The following PGD variants were observed in gnomAD, a reference collection of about 807,000 sequenced individuals.
PGD encodes 6-phosphogluconate dehydrogenase, decarboxylating.
Under a neutral mutation model 60.4 loss-of-function variants are expected in PGD, and 21 were observed. That is an observed-to-expected ratio of 0.35 (90% CI 0.25 to 0.50). The LOEUF is 0.50. Among genes scored for constraint, PGD ranks in the 20% least tolerant of loss-of-function variants. The probability of loss-of-function intolerance (pLI) is 0.98; values close to 1 mark genes in which losing one functional copy is unlikely to be tolerated. For synonymous variants in PGD, 230 were observed against 235.9 expected (o/e 0.97, Z 0.23); for missense variants, 477 against 613.1 (o/e 0.78, Z 2.34).
At chr1:10,411,116 G>T (rs1380068042) in intron 6 of PGD, among the ~76,000 whole-genome samples, 1 of 152,122 alleles carries the variant, frequency 6.6e-6, no homozygotes, top group African/African-American at 2.4e-5. Context: ...TGCTTTGAAT[G>T]ATGAGAAAGA....
intron 1 of PGD, 122 bp from the exon 2 acceptor site, chr1:10,399,507 C>T: frequency 1.1e-6 from 1 of 893,792 alleles, no homozygotes; most frequent in Admixed American, 2.1e-5. Flanking sequence ...TGGGGGCCCG[C>T]GGGAGGCGCG....
chr1:10,399,786 G>A (rs1006041365), intron 2 of PGD, 82 bp downstream of exon 2: 1 of 1,190,360 alleles, frequency 8.4e-7, no homozygotes, highest in African/African-American at 1.5e-5. Context: ...GAGCTTACGG[G>A]TCTCCTGGCC....
At position 10,411,520 on chromosome 1, in the gene PGD, G is replaced by T. The variant is rs749115127; in HGVS notation, c.622G>T (p.Val208Leu). Residue 208 changes from valine (V) to leucine (L), a missense_variant, in exon 7 of 13, where the codon GTG becomes TTG. Transcript: ENST00000270776. ...TGAGGCATACCACCTGATGAAAGAC[G>T]TGCTGGGCATGGCGCAGGACGAGAT... ...ICEAYHLMKD[V>L]LGMAQDEMAQ... 6.2e-7 allele frequency: 1 copy of T among 1,614,164 alleles called. No homozygotes were observed. Among genetic ancestry groups the T allele is most frequent in the South Asian group, 1.1e-5 (1 of 91,084 alleles).
chr1:10,419,853 T>A lies in PGD; in HGVS notation c.*104T>A. The A allele has an allele frequency of 7.2e-7, 1 of 1,396,958 alleles. No homozygotes were observed. Among genetic ancestry groups the A allele is most frequent in the Non-Finnish European group, 9.9e-7 (1 of 1,012,342 alleles). The allele number at this position is 1,396,958 out of a possible 1,614,324, so 86.5% of individuals were successfully genotyped here. A position where few individuals can be genotyped will look rare whatever the true frequency, so the allele number is the denominator to read the frequency against. ...TTGCCCTATTTTCTGTTCAGTTTTT[T>A]AAAAGTGTTGTAAGAGACTCCTGAG... On this transcript the variant is annotated 3_prime_UTR_variant, in exon 13 of 13. Coordinates refer to ENST00000270776, the MANE Select transcript of PGD (RefSeq NM_002631.4).
intron 6 of PGD, among the ~76,000 whole-genome samples, chr1:10,410,126 C>T (rs1179151577): frequency 6.6e-6 from 1 of 151,978 alleles, no homozygotes. Context: ...GCCAGAGTGT[C>T]AAAATCAGAA....
intron 8 of PGD, 42 bp downstream of exon 8, chr1:10,413,293 C>T: frequency 6.4e-7 from 1 of 1,552,502 alleles, no homozygotes; most frequent in Non-Finnish European, 8.9e-7. Flanking sequence ...GTCCACTATT[C>T]TGATCTTGAT....
chr1:10,419,000 T>A, intron 11 of PGD, 75 bp downstream of exon 11: 1 of 858,264 alleles, frequency 1.2e-6, no homozygotes, highest in Non-Finnish European at 1.9e-6. Flanking sequence ...GGTTTTTTGT[T>A]TTTTTTTTTT....
At chr1:10,406,778 C>G (rs958898273) in intron 5 of PGD, among the ~76,000 whole-genome samples, 10 of 152,296 alleles carry the variant, frequency 6.6e-5, no homozygotes, top group Admixed American at 6.5e-4. Context: ...AAGGAATGAA[C>G]AGCGGCCTTT....
chr1:10,417,862 A>C (rs1639623418), intron 10 of PGD, among the ~76,000 whole-genome samples: 2 of 152,170 alleles, frequency 1.3e-5, no homozygotes, highest in Non-Finnish European at 2.9e-5. Flanking sequence ...AGGGCACGCC[A>C]CCATGTCCGG....
chr1:10,403,132 C>G lies in PGD; in HGVS notation c.326C>G (p.Thr109Ser), dbSNP rs1325372063. 7 of 1,597,120 alleles carry G rather than the reference C, an allele frequency of 4.4e-6. No individual in the cohort carries two copies. The highest frequency in any genetic ancestry group is 6.0e-6 in the Non-Finnish European group (7 of 1,164,526). The change falls in exon 4 of 13, where the codon ACC becomes AGC. Residue 109 changes from threonine to serine, a missense_variant. This residue lies in a region of PGD where 431 missense variants were observed against 556.6 expected (regional missense o/e 0.77). Coordinates refer to ENST00000270776, the MANE Select transcript of PGD (RefSeq NM_002631.4). The stretch of plus-strand genomic sequence containing the variant: ...GGAGGAAATTCTGAATATAGGGACA[C>G]CACAGTAAGTGTTCTTCAGTCCAGA... ...IDGGNSEYRD[T>S]TRRCRDLKAK...
At chr1:10,399,596 ACT>A in intron 1 of PGD, 31 bp from the exon 2 acceptor site, 7 of 1,601,214 alleles carry the variant, frequency 4.4e-6, no homozygotes, top group Non-Finnish European at 6.0e-6. Flanking sequence ...AGCGGTGCTG[ACT>A]CTTTCCTTTG....
chr1:10,411,058 A>G (rs1481322440), intron 6 of PGD, among the ~76,000 whole-genome samples: 2 of 152,124 alleles, frequency 1.3e-5, no homozygotes, highest in Non-Finnish European at 2.9e-5. Context: ...AACTTTGGGA[A>G]AAAGAGGACT....
At chr1:10,412,703 A>G (rs573231764) in intron 7 of PGD, 16 of 195,616 alleles carry the variant, frequency 8.2e-5, no homozygotes, top group Middle Eastern at 2.2e-3. Context: ...TAAATATACA[A>G]TATCAAACTA....
At position 10,399,108 on chromosome 1, in the gene PGD, G is replaced by C; in HGVS notation, c.-10G>C. 1 of 1,609,774 alleles carries C rather than the reference G, an allele frequency of 6.2e-7. No individual in the cohort carries two copies. Among genetic ancestry groups the C allele is most frequent in the Non-Finnish European group, 8.5e-7 (1 of 1,179,702 alleles). The stretch of plus-strand genomic sequence containing the variant: ...CGTCGCCGCTCTTCGGTTCTGCTCT[G>C]TCCGCCGCCATGGCCCAGTGAGTGA... On this transcript the variant is annotated 5_prime_UTR_variant, in exon 1 of 13. Coordinates refer to ENST00000270776, the MANE Select transcript of PGD (RefSeq NM_002631.4).
At chr1:10,414,792 C>A (rs1335141496) in intron 8 of PGD, among the ~76,000 whole-genome samples, 1 of 151,726 alleles carries the variant, frequency 6.6e-6, no homozygotes, top group African/African-American at 2.4e-5. Context: ...ATTGTTCTCA[C>A]TATATTAAAA....
At chr1:10,415,888 A>G (rs1639587301) in intron 8 of PGD, among the ~76,000 whole-genome samples, 2 of 152,232 alleles carry the variant, frequency 1.3e-5, no homozygotes, top group Admixed American at 6.5e-5. Context: ...TTTAATTCAA[A>G]TGAAGTAAAG....
rs577375451 is a variant in PGD, at chr1:10,409,086, T to C, written c.519+946T>C. 6.6e-5 allele frequency among the ~76,000 whole-genome samples: 10 copies of C among 152,318 alleles called. No homozygotes were observed. The East Asian group carries it at 1.5e-3, about 23-fold the overall frequency. The stretch of plus-strand genomic sequence containing the variant: ...CTTCAGTTTCCTTATCTGTAAGATA[T>C]GGGGTTGGATTACATGATCTCCAAG... On this transcript the variant is annotated intron_variant, in intron 6 of 12. Transcript: ENST00000270776.
chr1:10,411,386 T>C (rs1231567190), intron 6 of PGD, 32 bp from the exon 7 acceptor site: 1 of 1,611,340 alleles, frequency 6.2e-7, no homozygotes. Flanking sequence ...CCTGTTTCTC[T>C]GAAGGCCTCT....
rs550694880 is a variant in PGD, at chr1:10,403,313, C to T, written c.330+177C>T. Among the ~76,000 whole-genome samples, 17 of 151,950 alleles carry T rather than the reference C, an allele frequency of 1.1e-4. No homozygotes were observed. The South Asian group carries it at 2.5e-3, about 22-fold the overall frequency. On this transcript the variant is annotated intron_variant, in intron 4 of 12. Transcript: ENST00000270776. ...GTTAAGACACACTTAACAGAAGGGC[C>T]GGGTGTGGTGGCTCACACCTGTAAT...
Sources: gnomAD v4.1 joint callset for allele counts (sites outside exome capture counted in the v4.1 genomes callset) on GRCh38, gnomAD v4.1.1 for gene constraint, gnomAD v4.1.1 regional missense constraint, MANE v1.5 for transcripts, NCBI Gene and HGNC (gene_info 2026-07-23, HGNC 2026-07-21) for gene names.